The following LRP1B variants were observed in gnomAD, a reference collection of about 807,000 sequenced individuals.
LRP1B encodes LDL receptor related protein 1B, also known as low-density lipoprotein receptor-related protein 1B.
LRP1B carries 217 observed loss-of-function variants against 556.6 expected under a neutral mutation model. The observed-to-expected ratio is 0.39, with a 90% confidence interval of 0.35 to 0.44. LRP1B has a LOEUF of 0.44. Ranked by LOEUF, LRP1B falls within the 20% of genes least tolerant of loss-of-function variation. The pLI is 1.00. For missense variants in LRP1B, 5,053 were observed against 5,620.8 expected, an observed-to-expected ratio of 0.90 and a Z score of 3.23; for synonymous variants, 2,047 against 1,865.8, an observed-to-expected ratio of 1.10 and a Z score of -2.50.
At chr2:141,927,682 C>A (rs181846853) in intron 1 of LRP1B, among the ~76,000 whole-genome samples, 28 of 152,024 alleles carry the variant, frequency 1.8e-4, no homozygotes, top group Middle Eastern at 3.4e-3. Flanking sequence ...CAGCTAAGAA[C>A]TCTGACTAAT....
intron 32 of LRP1B, among the ~76,000 whole-genome samples, chr2:140,776,934 A>C (rs1343228812): frequency 6.6e-6 from 1 of 152,192 alleles, no homozygotes; most frequent in African/African-American, 2.4e-5. Flanking sequence ...ACTGTAAGGA[A>C]ATGATTATTG....
chr2:141,790,259 C>A (rs1402191371), intron 2 of LRP1B, among the ~76,000 whole-genome samples: 2 of 151,442 alleles, frequency 1.3e-5, no homozygotes, highest in East Asian at 1.9e-4. Context: ...TAAATGTATT[C>A]TTTTAATGGA....
Position 140,421,896 on chromosome 2 carries a change from A to G in LRP1B, c.10414+20608T>C, listed in dbSNP as rs60162515. On this transcript the variant is annotated intron_variant, in intron 66 of 90. Transcript: ENST00000389484. ...TCCTGAAACTGTCCAGTGCCCTGCC[A>G]CATCACCCTTTCCATCCTGCAGACG... Among the ~76,000 whole-genome samples the G allele has an allele frequency of 2.1e-3, 316 of 152,292 alleles. 1 individual carries two copies. Among genetic ancestry groups the G allele is most frequent in the Middle Eastern group, 6.8e-3 (2 of 294 alleles).
intron 41 of LRP1B, among the ~76,000 whole-genome samples, chr2:140,612,468 T>C (rs1192133840): frequency 6.6e-6 from 1 of 152,284 alleles, no homozygotes; most frequent in East Asian, 1.9e-4. Flanking sequence ...TTAAATTTGA[T>C]TTATCAGAAC....
At chr2:140,704,080 G>A (rs1686742453) in intron 37 of LRP1B, among the ~76,000 whole-genome samples, 1 of 152,106 alleles carries the variant, frequency 6.6e-6, no homozygotes. Flanking sequence ...TCTCCAAACT[G>A]CTTTCCACAG....
chr2:141,390,316 T>C (rs563428961), intron 3 of LRP1B, among the ~76,000 whole-genome samples: 10 of 152,204 alleles, frequency 6.6e-5, no homozygotes, highest in East Asian at 5.8e-4. Context: ...GATGAGAATG[T>C]AGAGAAATTG....
chr2:140,413,367 G>C (rs142096892), intron 66 of LRP1B, among the ~76,000 whole-genome samples: 1 of 152,176 alleles, frequency 6.6e-6, no homozygotes, highest in East Asian at 1.9e-4. Context: ...GTTTGCTTTA[G>C]AGAAAATCCC....
At chr2:141,241,740 A>G (rs181833703) in intron 5 of LRP1B, among the ~76,000 whole-genome samples, 2 of 152,076 alleles carry the variant, frequency 1.3e-5, no homozygotes, top group Admixed American at 1.3e-4. Context: ...TCTTTACCAC[A>G]GTGTTCCTAA....
intron 2 of LRP1B, among the ~76,000 whole-genome samples, chr2:141,729,746 G>T (rs2105515763): frequency 6.6e-6 from 1 of 152,188 alleles, no homozygotes; most frequent in South Asian, 2.1e-4. Context: ...AATGCTCTTT[G>T]AACATATTTT....
intron 2 of LRP1B, among the ~76,000 whole-genome samples, chr2:141,808,987 G>T (rs1696252938): frequency 6.6e-6 from 1 of 151,996 alleles, no homozygotes; most frequent in Non-Finnish European, 1.5e-5. Flanking sequence ...TTATCCATTA[G>T]AATTTTTCCT....
chr2:140,354,295 G>A (rs762117020), intron 75 of LRP1B, among the ~76,000 whole-genome samples: 9 of 152,034 alleles, frequency 5.9e-5, no homozygotes, highest in Admixed American at 1.3e-4. Flanking sequence ...AGGGCTCAGA[G>A]GTAGAGACAC....
At chr2:141,701,583 AAC>A (rs1458947210) in intron 2 of LRP1B, among the ~76,000 whole-genome samples, 1 of 151,932 alleles carries the variant, frequency 6.6e-6, no homozygotes, top group Non-Finnish European at 1.5e-5. Flanking sequence ...TACCCCCAAG[AAC>A]CTGCCTCAAA....
intron 86 of LRP1B, among the ~76,000 whole-genome samples, chr2:140,260,477 A>G (rs930601126): frequency 6.6e-6 from 1 of 151,798 alleles, no homozygotes; most frequent in Non-Finnish European, 1.5e-5. Context: ...CATGTGTATT[A>G]TATATAGATA....
At chr2:140,873,177 A>T (rs2105166755) in intron 25 of LRP1B, among the ~76,000 whole-genome samples, 1 of 152,222 alleles carries the variant, frequency 6.6e-6, no homozygotes, top group Middle Eastern at 3.4e-3. Flanking sequence ...TAATCAAGCA[A>T]TTTCTTACTT....
chr2:141,410,040 A>G (rs1389962627), intron 3 of LRP1B, among the ~76,000 whole-genome samples: 1 of 152,024 alleles, frequency 6.6e-6, no homozygotes, highest in Non-Finnish European at 1.5e-5. Context: ...AGTGAAAAAT[A>G]TATTCTAGGA....
chr2:141,713,766 G>A (rs1364330533), intron 2 of LRP1B, among the ~76,000 whole-genome samples: 1 of 152,054 alleles, frequency 6.6e-6, no homozygotes, highest in African/African-American at 2.4e-5. Context: ...TCTCATATGA[G>A]TCATATTATT....
chr2:140,958,820 AC>A (rs1695949748), intron 18 of LRP1B, among the ~76,000 whole-genome samples: 1 of 151,388 alleles, frequency 6.6e-6, no homozygotes, highest in Non-Finnish European at 1.5e-5. Context: ...TTTACCCACC[AC>A]CCCCACTGAA....
intron 7 of LRP1B, among the ~76,000 whole-genome samples, chr2:141,080,763 G>A (rs1022981872): frequency 1.3e-5 from 2 of 152,180 alleles, no homozygotes; most frequent in Non-Finnish European, 2.9e-5. Flanking sequence ...CACTTTTGGA[G>A]ATTTCAGTTA....
intron 1 of LRP1B, among the ~76,000 whole-genome samples, chr2:142,105,568 T>C (rs999587088): frequency 8.5e-6 from 1 of 117,332 alleles, no homozygotes; most frequent in Admixed American, 1.0e-4. Context: ...TTATCAGTCT[T>C]AAGCTGATAA....
Sources: allele counts gnomAD v4.1 joint callset (sites outside exome capture counted in the v4.1 genomes callset), GRCh38; gene constraint gnomAD v4.1.1; transcripts MANE v1.5; gene names NCBI Gene and HGNC (gene_info 2026-07-23, HGNC 2026-07-21).